NFYA: variants seen among roughly 807,000 people sequenced by gnomAD.
NFYA encodes the protein nuclear transcription factor Y subunit alpha.
Under a neutral mutation model 52.8 loss-of-function variants are expected in NFYA, and 28 were observed. The observed-to-expected ratio is 0.53, with a 90% CI of 0.39 to 0.73. NFYA has a LOEUF of 0.73. Ranked by LOEUF, NFYA falls within the 30% of genes least tolerant of loss-of-function variation. NFYA has a pLI of 0.00. For missense variants in NFYA, 234 were observed against 427.0 expected (o/e 0.55, Z 3.98); for synonymous variants, 150 against 150.7 (o/e 1.00, Z 0.03).
rs188332474 is a variant in NFYA at position 41,081,264 on chromosome 6, C to T, written c.162+367C>T. The stretch of plus-strand genomic sequence containing the variant: ...CAGCACTTTGGGAGGCCGAGGCAGG[C>T]GGATCACGAGGTCAGGAGATCGAGA... On this transcript the variant is annotated intron_variant, in intron 3 of 9. Transcript: ENST00000341376. Among the ~76,000 whole-genome samples the T allele has an allele frequency of 2.8e-3, 430 of 152,156 alleles. 1 individual carries two copies. The highest frequency in any genetic ancestry group is 9.0e-3 in the African/African-American group (372 of 41,536).
chr6:41,086,500 C>A (rs1413463533), intron 4 of NFYA, among the ~76,000 whole-genome samples: 1 of 151,302 alleles, frequency 6.6e-6, no homozygotes, highest in Non-Finnish European at 1.5e-5. Flanking sequence ...ATACTTAAGG[C>A]TTTAATCCCC....
Position 41,101,834 on chromosome 6 carries a change from G to T in NFYA, c.*4424G>T, listed in dbSNP as rs533404064. Among the ~76,000 whole-genome samples, 10 of 152,300 alleles carry T rather than the reference G, an allele frequency of 6.6e-5. No individual in the cohort carries two copies. Among genetic ancestry groups the T allele is most frequent in the African/African-American group, 2.4e-4 (10 of 41,560 alleles). ...AGGGTGGTCCTTTGGATTCCCAGTG[G>T]CAGCAGCAACCAACCTGGCCCTTAG... On this transcript the variant is annotated 3_prime_UTR_variant, in exon 10 of 10. Coordinates refer to ENST00000341376, the MANE Select transcript of NFYA (RefSeq NM_002505.5).
At chr6:41,097,254 T>G in intron 9 of NFYA, 103 bp from the exon 10 acceptor site, 1 of 1,033,970 alleles carries the variant, frequency 9.7e-7, no homozygotes, top group African/African-American at 1.6e-5. Flanking sequence ...TTGATTTACT[T>G]GGTAAAGTTA....
chr6:41,089,840 C>A (rs1764153426), intron 5 of NFYA, 130 bp downstream of exon 5: 1 of 1,313,740 alleles, frequency 7.6e-7, no homozygotes, highest in Non-Finnish European at 1.0e-6. Flanking sequence ...ATATTTTTGG[C>A]CGGGCGCGGT....
intron 8 of NFYA, 59 bp from the exon 9 acceptor site, chr6:41,094,337 G>T: frequency 6.9e-7 from 1 of 1,439,800 alleles, no homozygotes; most frequent in Non-Finnish European, 9.7e-7. Context: ...TTGTGCACTA[G>T]ATAACTGTGC....
At chr6:41,082,096 G>A (rs1251670472) in intron 3 of NFYA, among the ~76,000 whole-genome samples, 4 of 152,166 alleles carry the variant, frequency 2.6e-5, no homozygotes, top group Admixed American at 6.5e-5. Context: ...CTAGAATGTA[G>A]AACTGGCATC....
At chr6:41,089,055 G>A (rs554107490) in intron 4 of NFYA, among the ~76,000 whole-genome samples, 2 of 151,914 alleles carry the variant, frequency 1.3e-5, no homozygotes, top group Non-Finnish European at 2.9e-5. Context: ...GCGTGATCTC[G>A]GCTCACTGCA....
At chr6:41,084,774 C>G (rs1184632157) in intron 4 of NFYA, among the ~76,000 whole-genome samples, 1 of 152,146 alleles carries the variant, frequency 6.6e-6, no homozygotes, top group Non-Finnish European at 1.5e-5. Flanking sequence ...ACCAGCCTGG[C>G]CAACATGACA....
At chr6:41,085,610 G>A (rs1294010351) in intron 4 of NFYA, among the ~76,000 whole-genome samples, 1 of 152,054 alleles carries the variant, frequency 6.6e-6, no homozygotes, top group African/African-American at 2.4e-5. Context: ...TAATGTCTTA[G>A]TTTTCTGGAG....
At chr6:41,091,721 T>C in intron 7 of NFYA, 27 bp downstream of exon 7, 1 of 1,601,648 alleles carries the variant, frequency 6.2e-7, no homozygotes, top group Middle Eastern at 1.7e-4. Flanking sequence ...TTCAGCTTTG[T>C]CTTTGAAATT....
chr6:41,086,538 G>T (rs1407464898), intron 4 of NFYA, among the ~76,000 whole-genome samples: 1 of 151,986 alleles, frequency 6.6e-6, no homozygotes, highest in Non-Finnish European at 1.5e-5. Context: ...TTTCTCATTA[G>T]TGTTGAGTAG....
Position 41,073,096 on chromosome 6 carries a change from G to C in NFYA, c.-62+12G>C, listed in dbSNP as rs1211142546. On this transcript the variant is annotated intron_variant, in intron 1 of 9. Coordinates refer to ENST00000341376, the MANE Select transcript of NFYA (RefSeq NM_002505.5). ...GGGAGCGAGGCACGGTGAGTGTGAGGAGCCAATATCCAGCGGCCCAGAGCC... is the reference window on the plus strand; with the variant it reads ...GGGAGCGAGGCACGGTGAGTGTGAGCAGCCAATATCCAGCGGCCCAGAGCC... 1 of 153,666 alleles carries C rather than the reference G, an allele frequency of 6.5e-6. No individual in the cohort carries two copies. Among genetic ancestry groups the C allele is most frequent in the Non-Finnish European group, 1.5e-5 (1 of 68,484 alleles). The allele number at this position is 153,666 out of a possible 1,614,324, so 9.5% of individuals were successfully genotyped here.
At chr6:41,078,031 T>C in intron 1 of NFYA, among the ~76,000 whole-genome samples, 1 of 151,996 alleles carries the variant, frequency 6.6e-6, no homozygotes, top group East Asian at 1.9e-4. Context: ...ATAAGAATTT[T>C]CAAGTGTGCA....
chr6:41,086,366 A>G (rs1764043847), intron 4 of NFYA, among the ~76,000 whole-genome samples: 1 of 152,204 alleles, frequency 6.6e-6, no homozygotes, highest in Non-Finnish European at 1.5e-5. Context: ...TTATTTTGCT[A>G]TAAGGAACCT....
intron 1 of NFYA, 147 bp downstream of exon 1, chr6:41,073,231 C>A (rs538049617): frequency 9.9e-5 from 15 of 151,526 alleles, no homozygotes; most frequent in Admixed American, 3.9e-4. Context: ...GGCCAGCGGC[C>A]CCGGCCCGGG....
chr6:41,085,308 A>G (rs957931659), intron 4 of NFYA, among the ~76,000 whole-genome samples: 1 of 152,252 alleles, frequency 6.6e-6, no homozygotes, highest in Non-Finnish European at 1.5e-5. Context: ...TAAAATTGCA[A>G]TCTGAGTGTC....
intron 1 of NFYA, chr6:41,075,490 A>G (rs1763708630): frequency 6.6e-6 from 1 of 151,826 alleles, no homozygotes; most frequent in South Asian, 2.1e-4. Context: ...ACAAGCTTCC[A>G]CCAGTCTGCA....
At chr6:41,084,255 T>C (rs761014837) in intron 4 of NFYA, 63 bp downstream of exon 4, 2 of 1,552,764 alleles carry the variant, frequency 1.3e-6, no homozygotes, top group Non-Finnish European at 1.7e-6. Flanking sequence ...AATAGATTAT[T>C]ACAACCTATT....
At chr6:41,093,929 A>G (rs967159066) in intron 8 of NFYA, among the ~76,000 whole-genome samples, 8 of 152,242 alleles carry the variant, frequency 5.3e-5, no homozygotes, top group African/African-American at 1.9e-4. Context: ...CAGAGGCAGG[A>G]GGATCACATG....
Sources: gnomAD v4.1 joint callset for allele counts (sites outside exome capture counted in the v4.1 genomes callset) on GRCh38, gnomAD v4.1.1 for gene constraint, MANE v1.5 for transcripts, NCBI Gene and HGNC (gene_info 2026-07-23, HGNC 2026-07-21) for gene names.